ADCY3: variants seen among roughly 807,000 people sequenced by gnomAD.
ADCY3 encodes the protein adenylate cyclase 3.
ADCY3 carries 70 observed loss-of-function variants against 119.4 expected under a neutral mutation model. The ratio of observed to expected loss-of-function variants is 0.59; its 90% confidence interval spans 0.48 to 0.72. ADCY3 has a LOEUF of 0.72. Ranked by LOEUF, ADCY3 falls within the 30% of genes least tolerant of loss-of-function variation. ADCY3 has a pLI of 0.00. For synonymous variants in ADCY3, 672 were observed against 621.4 expected, an observed-to-expected ratio of 1.08 and a Z score of -1.21; for missense variants, 1,238 against 1,541.6, an observed-to-expected ratio of 0.80 and a Z score of 3.30.
At chr2:24,880,229 C>A (rs1247720385) in intron 2 of ADCY3, among the ~76,000 whole-genome samples, 1 of 152,246 alleles carries the variant, frequency 6.6e-6, no homozygotes, top group East Asian at 1.9e-4. Flanking sequence ...GCCCATCTGA[C>A]ATGTTAGGCC....
At position 24,839,768 on chromosome 2, in the gene ADCY3, C is replaced by G. The variant is rs1363888597; in HGVS notation, c.1355+105G>C. The G allele has an allele frequency of 1.6e-5, 24 of 1,514,856 alleles. No individual in the cohort carries two copies. In the Admixed American group the frequency reaches 4.1e-4, roughly 26 times the overall value. 93.8% of individuals were successfully genotyped at this position (1,514,856 alleles called of 1,614,324 possible). On this transcript the variant is annotated intron_variant, in intron 7 of 21. Transcript: ENST00000679454. ...ATGCTGTTCCGGGGTTGTAGGGAGG[C>G]CTTCTCTGAGGCCCCCTGTCCCTCA...
chr2:24,835,158 G>A (rs1353272173), intron 9 of ADCY3, among the ~76,000 whole-genome samples: 1 of 152,142 alleles, frequency 6.6e-6, no homozygotes, highest in Non-Finnish European at 1.5e-5. Context: ...CTGGCTCCCC[G>A]GGCCCCCCAC....
chr2:24,918,388 C>T lies in ADCY3; in HGVS notation c.600G>A (p.Val200=). Residue 200 remains valine, a synonymous_variant, in exon 2 of 22, where the codon GTG becomes GTA. Coordinates refer to ENST00000679454, the MANE Select transcript of ADCY3 (RefSeq NM_004036.5). The surrounding 1 kb of genome is among the most constrained non-coding windows in gnomAD (Gnocchi z 5.4). ...IVIISVVSCV[V]HTLVLGVTVA... is the part of the protein sequence containing the mutation. ...CGGTGACCCCCAGGACCAACGTGTG[C>T]ACCACACAGGAGACCACGGAGATGA... 1 of 1,613,228 alleles carries T rather than the reference C, an allele frequency of 6.2e-7. No individual in the cohort carries two copies. Among genetic ancestry groups the T allele is most frequent in the Non-Finnish European group, 8.5e-7 (1 of 1,179,716 alleles).
rs1678588865 is a variant in ADCY3, at chr2:24,898,866, A to G, written c.675+19447T>C. 6.6e-6 allele frequency among the ~76,000 whole-genome samples: 1 copy of G among 152,120 alleles called. No homozygotes were observed. ...CAGCCTGGGGATAGCTCCAGTTCACACTGGAAACCCTTTCACCGCCAGAGA... is the reference window on the plus strand; with the variant it reads ...CAGCCTGGGGATAGCTCCAGTTCACGCTGGAAACCCTTTCACCGCCAGAGA... On this transcript the variant is annotated intron_variant, in intron 2 of 21. Transcript: ENST00000679454. The surrounding 1 kb of genome is among the most constrained non-coding windows in gnomAD (Gnocchi z 4.3).
chr2:24,844,216 G>A (rs1052342383), intron 3 of ADCY3, among the ~76,000 whole-genome samples: 10 of 152,102 alleles, frequency 6.6e-5, no homozygotes, highest in Admixed American at 2.6e-4. Context: ...GGCCCGTGTC[G>A]CCATGGGGTC....
At chr2:24,840,560 G>A (rs77978025) in intron 6 of ADCY3, 1 of 467,906 alleles carries the variant, frequency 2.1e-6, no homozygotes. Flanking sequence ...CGCCCCCTCG[G>A]AGAAGGGGGT....
At chr2:24,914,863 T>C (rs984176633) in intron 2 of ADCY3, among the ~76,000 whole-genome samples, 2 of 152,006 alleles carry the variant, frequency 1.3e-5, no homozygotes, top group Non-Finnish European at 2.9e-5. Flanking sequence ...CCCATGCTGC[T>C]CGGCAATATT....
At chr2:24,911,711 C>T (rs564946757) in intron 2 of ADCY3, among the ~76,000 whole-genome samples, 4 of 146,062 alleles carry the variant, frequency 2.7e-5, no homozygotes, top group Admixed American at 1.4e-4. Context: ...TGGTTGTGTA[C>T]GTGTGTGTGT....
chr2:24,906,104 C>G (rs530528101), intron 2 of ADCY3, among the ~76,000 whole-genome samples: 1 of 152,102 alleles, frequency 6.6e-6, no homozygotes, highest in Non-Finnish European at 1.5e-5. Flanking sequence ...GTCAGGAGAT[C>G]GAGACCAGCC....
At chr2:24,874,504 G>C (rs1312612931) in intron 2 of ADCY3, among the ~76,000 whole-genome samples, 1 of 152,228 alleles carries the variant, frequency 6.6e-6, no homozygotes, top group Non-Finnish European at 1.5e-5. Context: ...CTGTGACTTG[G>C]GGGAGGCTCC....
intron 2 of ADCY3, among the ~76,000 whole-genome samples, chr2:24,879,779 C>G (rs754868713): frequency 6.6e-5 from 10 of 152,170 alleles, no homozygotes; most frequent in African/African-American, 2.4e-4. Context: ...GGCTCCCCTC[C>G]CTCAATACGA....
At chr2:24,864,620 A>G (rs1052453741) in intron 3 of ADCY3, among the ~76,000 whole-genome samples, 5 of 152,252 alleles carry the variant, frequency 3.3e-5, no homozygotes, top group Admixed American at 6.5e-5. Context: ...CCAGTCAAAA[A>G]GGGACAAATA....
intron 7 of ADCY3, 140 bp downstream of exon 7, chr2:24,839,733 G>T: frequency 7.9e-7 from 1 of 1,267,882 alleles, no homozygotes; most frequent in Non-Finnish European, 1.1e-6. Context: ...ACCAGGGCGA[G>T]ACAGGAGGAA....
At chr2:24,891,111 C>T (rs962920249) in intron 2 of ADCY3, among the ~76,000 whole-genome samples, 5 of 152,140 alleles carry the variant, frequency 3.3e-5, no homozygotes, top group Admixed American at 1.3e-4. Flanking sequence ...CTCAAGGATG[C>T]ACCTGCCTTG....
intron 3 of ADCY3, among the ~76,000 whole-genome samples, chr2:24,844,409 C>T (rs192374776): frequency 6.6e-6 from 1 of 152,196 alleles, no homozygotes; most frequent in Non-Finnish European, 1.5e-5. Context: ...GCCACAGGAG[C>T]AGGAGCCAGG....
chr2:24,889,975 T>C (rs192117225), intron 2 of ADCY3, among the ~76,000 whole-genome samples: 1 of 152,368 alleles, frequency 6.6e-6, no homozygotes, highest in East Asian at 1.9e-4. Context: ...AAAGATGCCT[T>C]TTCTCAGGTT....
In ADCY3 at chr2:24,872,641, G is replaced by A. The variant is rs757628600; in HGVS notation, c.754C>T (p.Arg252Cys). 26 of 1,614,086 alleles carry A rather than the reference G, an allele frequency of 1.6e-5. No individual in the cohort carries two copies. The highest frequency in any genetic ancestry group is 5.5e-5 in the South Asian group (5 of 91,084). Residue 252 changes from arginine (R) to cysteine (C), a missense_variant, in exon 3 of 22, where the codon CGC becomes TGC. Physicochemically the swap from Arg to Cys is radical, Grantham distance 180. Coordinates refer to ENST00000679454, the MANE Select transcript of ADCY3 (RefSeq NM_004036.5). This position sits in a 1 kb window ranked among gnomAD's most constrained non-coding sequence, Gnocchi z 4.4. Reference sequence around the variant, plus strand: ...TGGCGGGCCTCCAGGAAGGCCTTGCGGTGCTTGCGGTCAGCCATGTAGTAG... The same window carrying A: ...TGGCGGGCCTCCAGGAAGGCCTTGCAGTGCTTGCGGTCAGCCATGTAGTAG... The part of the protein sequence containing the change: ...MSYYMADRKH[R>C]KAFLEARQSL...
chr2:24,852,454 C>T (rs1672429786), intron 3 of ADCY3, among the ~76,000 whole-genome samples: 1 of 152,206 alleles, frequency 6.6e-6, no homozygotes, highest in Non-Finnish European at 1.5e-5. Flanking sequence ...CCCTCCCCAC[C>T]CTGTGGCCTA....
chr2:24,822,549 G>C lies in ADCY3; in HGVS notation c.2965C>G (p.Pro989Ala). The stretch of plus-strand genomic sequence containing the variant: ...GCAAAGCCATTGGTGTTGACATCGG[G>C]GGTGACTCCTGAAGCCGCCATATAC... ...STYMAASGVT[P>A]DVNTNGFASS... The change falls in exon 19 of 22, where the codon CCC becomes GCC. Residue 989 changes from proline (P) to alanine (A), a missense_variant. Around this residue, in one of 7 missense-constraint regions of ADCY3, gnomAD observed 63 missense variants for 62.8 expected, o/e 1.00. Transcript: ENST00000679454. 3 of 1,613,848 alleles carry C rather than the reference G, an allele frequency of 1.9e-6. No individual in the cohort carries two copies. The highest frequency in any genetic ancestry group is 1.3e-5 in the African/African-American group (1 of 74,950).
Sources: gnomAD v4.1 joint callset for allele counts (sites outside exome capture counted in the v4.1 genomes callset) on GRCh38, gnomAD v4.1.1 for gene constraint, gnomAD v4.1.1 regional missense constraint, Gnocchi (gnomAD v3.1) non-coding constraint, MANE v1.5 for transcripts, NCBI Gene and HGNC (gene_info 2026-07-23, HGNC 2026-07-21) for gene names.